Variants in LGALS4 observed in about 807,000 individuals in gnomAD.
LGALS4 encodes the protein galectin-4.
A neutral mutation model predicts 39.6 loss-of-function variants in LGALS4; 37 were observed. The ratio of observed to expected loss-of-function variants is 0.93; its 90% CI spans 0.72 to 1.23. The LOEUF is 1.23. LGALS4 is among the 50% of genes most tolerant of loss of function. The probability of loss-of-function intolerance (pLI) is 0.00; values close to 1 mark genes in which losing one functional copy is unlikely to be tolerated. For missense variants in LGALS4, 397 were observed against 433.2 expected (o/e 0.92, Z 0.74); for synonymous variants, 160 against 165.5 (o/e 0.97, Z 0.25).
rs539165404 is a variant in LGALS4, at chr19:38,807,160, A to C, written c.340-565T>G. On this transcript the variant is annotated intron_variant, in intron 3 of 9. Coordinates refer to ENST00000307751, the MANE Select transcript of LGALS4 (RefSeq NM_006149.4). The stretch of plus-strand genomic sequence containing the variant: ...AGGTGGGGGATCATTTGAGATCAAG[A>C]GTTCGAGACCAGCTTGAGAAACATA... Among the ~76,000 whole-genome samples, 7 of 152,024 alleles carry C rather than the reference A, an allele frequency of 4.6e-5. No individual in the cohort carries two copies. The East Asian group carries it at 9.7e-4, about 21-fold the overall frequency.
At chr19:38,803,683 T>A (rs975735420) in intron 6 of LGALS4, 59 bp downstream of exon 6, 1 of 1,601,776 alleles carries the variant, frequency 6.2e-7, no homozygotes, top group Non-Finnish European at 8.5e-7. Flanking sequence ...TAGCTCCCCC[T>A]ACCCCAATTC....
At position 38,804,830 on chromosome 19, in the gene LGALS4, A is replaced by C. The variant is rs552764395; in HGVS notation, c.475-935T>G. On this transcript the variant is annotated intron_variant, in intron 4 of 9. Coordinates refer to ENST00000307751, the MANE Select transcript of LGALS4 (RefSeq NM_006149.4). ...AGAGCAAGACTCCATCTAAAAAAAAAACAAAAAACAAAAAACAAACAAACA... is the reference window on the plus strand; with the variant it reads ...AGAGCAAGACTCCATCTAAAAAAAACACAAAAAACAAAAAACAAACAAACA... Among the ~76,000 whole-genome samples, 3 of 151,900 alleles carry C rather than the reference A, an allele frequency of 2.0e-5. No individual in the cohort carries two copies. The South Asian group carries it at 6.2e-4, about 32-fold the overall frequency.
At chr19:38,810,133 C>T (rs1971475436) in intron 2 of LGALS4, among the ~76,000 whole-genome samples, 1 of 152,108 alleles carries the variant, frequency 6.6e-6, no homozygotes, top group South Asian at 2.1e-4. Flanking sequence ...TGATATGTTC[C>T]CTTCCCAGGC....
At chr19:38,808,640 AAAAGAAAG>A (rs1555720049) in intron 3 of LGALS4, 96 bp downstream of exon 3, 1 of 760,862 alleles carries the variant, frequency 1.3e-6, no homozygotes, top group African/African-American at 2.2e-5. Flanking sequence ...AAAAAAAAAA[AAAAGAAAG>A]AAAGAAAGAA....
Position 38,808,762 on chromosome 19 carries a change from GA to G in LGALS4, c.320del (p.Val107AlafsTer10). ...KGAAFELVFI[V>X]LAEHYKVVVN... ...TGCAGACCTTGTAGTGCTCAGCCAGGACTATGAAGACCAGCTCAAAGGCGGC... is the reference window on the plus strand; with the variant it reads ...TGCAGACCTTGTAGTGCTCAGCCAGGCTATGAAGACCAGCTCAAAGGCGGC... On this transcript the variant is annotated frameshift_variant, in exon 3 of 10. Coordinates refer to ENST00000307751, the MANE Select transcript of LGALS4 (RefSeq NM_006149.4). LOFTEE classifies it high-confidence loss of function. 3 of 1,614,108 alleles carry G rather than the reference GA, an allele frequency of 1.9e-6. No individual in the cohort carries two copies. Among genetic ancestry groups the G allele is most frequent in the Non-Finnish European group, 8.5e-7 (1 of 1,179,988 alleles).
intron 4 of LGALS4, among the ~76,000 whole-genome samples, chr19:38,805,348 C>T (rs541799141): frequency 6.6e-6 from 1 of 152,172 alleles, no homozygotes; most frequent in Admixed American, 6.5e-5. Context: ...CTTCCTCCTA[C>T]TCCAGGAAGC....
chr19:38,802,554 G>C (rs1306074044), intron 7 of LGALS4, 150 bp from the exon 8 acceptor site: 1 of 634,078 alleles, frequency 1.6e-6, no homozygotes, highest in African/African-American at 1.8e-5. Flanking sequence ...GAGTGCAGTG[G>C]CATGATCAAG....
intron 3 of LGALS4, among the ~76,000 whole-genome samples, chr19:38,807,224 C>T (rs934832831): frequency 2.6e-5 from 4 of 151,990 alleles, no homozygotes; most frequent in South Asian, 2.1e-4. Context: ...AAAAATTAGC[C>T]GGGCGTGGTG....
chr19:38,806,995 T>C (rs924845545), intron 3 of LGALS4, among the ~76,000 whole-genome samples: 1 of 149,980 alleles, frequency 6.7e-6, no homozygotes, highest in African/African-American at 2.5e-5. Flanking sequence ...TGGGAGTCGA[T>C]AGTCTTGGGG....
At chr19:38,803,299 G>T (rs949431715) in intron 7 of LGALS4, 8 of 600,156 alleles carry the variant, frequency 1.3e-5, no homozygotes, top group Non-Finnish European at 2.4e-5. Context: ...TTACAGGCGT[G>T]AGCCACCATG....
At chr19:38,809,073 T>A in intron 2 of LGALS4, 125 bp from the exon 3 acceptor site, 1 of 753,654 alleles carries the variant, frequency 1.3e-6, no homozygotes, top group Non-Finnish European at 2.1e-6. Context: ...GCACCAGCTC[T>A]GAGGGGCAAC....
chr19:38,805,208 T>TAATAATAATAATAAA (rs143505798), intron 4 of LGALS4, among the ~76,000 whole-genome samples: 4 of 148,256 alleles, frequency 2.7e-5, no homozygotes, highest in South Asian at 2.1e-4. Context: ...ATAATAATAA[T>TAATAATAATAATAAA]ATTGATAAAC....
chr19:38,809,098 C>A, intron 2 of LGALS4, 150 bp from the exon 3 acceptor site: 1 of 637,144 alleles, frequency 1.6e-6, no homozygotes. Flanking sequence ...GCACTGTGGG[C>A]CACAGCGTGG....
chr19:38,809,211 CT>C (rs1342762596), intron 2 of LGALS4, among the ~76,000 whole-genome samples: 9 of 133,366 alleles, frequency 6.7e-5, no homozygotes, highest in Non-Finnish European at 1.4e-4. Flanking sequence ...TGGAGTCTTG[CT>C]CTGTTGCCCA....
Position 38,801,979 on chromosome 19 carries a change from A to G in LGALS4, c.825+13T>C. On this transcript the variant is annotated intron_variant, in intron 9 of 9. Coordinates refer to ENST00000307751, the MANE Select transcript of LGALS4 (RefSeq NM_006149.4). ...GCCCTGGAAGGAAGTGGGAAAAGAG[A>G]GCTCAGACTCACATCAAAGAACTGT... 6.2e-7 allele frequency: 1 copy of G among 1,613,962 alleles called. No homozygotes were observed.
Position 38,802,083 on chromosome 19 carries a change from G to C in LGALS4, c.734C>G (p.Thr245Ser). Residue 245 changes from threonine (T) to serine (S), a missense_variant, in exon 9 of 10, where the codon ACC becomes AGC. Physicochemically the swap from Thr to Ser is moderately conservative, Grantham distance 58. Transcript: ENST00000307751. ...LHINPRMGNG[T>S]VVRNSLLNGS... ...ATTCAGAAGGCTGTTCCGGACCACG[G>C]TACCGTTGCCCATGCGGGGATTAAT... The C allele has an allele frequency of 6.2e-7, 1 of 1,614,202 alleles. No homozygotes were observed. The highest frequency in any genetic ancestry group is 8.5e-7 in the Non-Finnish European group (1 of 1,180,034).
At chr19:38,809,665 T>C (rs1971469948) in intron 2 of LGALS4, among the ~76,000 whole-genome samples, 1 of 143,336 alleles carries the variant, frequency 7.0e-6, no homozygotes, top group Non-Finnish European at 1.5e-5. Flanking sequence ...TTTTTTTTTT[T>C]TTTTTGTAGA....
chr19:38,808,590 C>T (rs1329530225), intron 3 of LGALS4, among the ~76,000 whole-genome samples, 154 bp downstream of exon 3: 1 of 142,914 alleles, frequency 7.0e-6, no homozygotes, highest in Non-Finnish European at 1.5e-5. Context: ...TGCCACTGCA[C>T]TCCAGCCTGG....
chr19:38,809,248 C>T (rs1192117033), intron 2 of LGALS4, among the ~76,000 whole-genome samples: 1 of 146,458 alleles, frequency 6.8e-6, no homozygotes, highest in Non-Finnish European at 1.5e-5. Flanking sequence ...GCCGCGATCT[C>T]AGCTCACTGC....
Sources: gnomAD v4.1 joint callset for allele counts (sites outside exome capture counted in the v4.1 genomes callset) on GRCh38, gnomAD v4.1.1 for gene constraint, MANE v1.5 for transcripts, NCBI Gene and HGNC (gene_info 2026-07-23, HGNC 2026-07-21) for gene names.